The following TBC1D32 variants were observed in gnomAD, a reference collection of about 807,000 sequenced individuals.
TBC1D32 encodes protein broad-minded.
Under a neutral mutation model 170.3 loss-of-function variants are expected in TBC1D32, and 151 were observed. The observed-to-expected ratio is 0.89, with a 90% confidence interval of 0.78 to 1.01. The LOEUF is 1.01. TBC1D32 is among the 50% of genes least tolerant of loss of function. TBC1D32 has a pLI of 0.00. For synonymous variants in TBC1D32, 498 were observed against 488.0 expected (o/e 1.02, Z -0.27); for missense variants, 1,464 against 1,457.1 (o/e 1.00, Z -0.08).
At chr6:121,214,781 T>G (rs1254524620) in intron 21 of TBC1D32, among the ~76,000 whole-genome samples, 1 of 152,194 alleles carries the variant, frequency 6.6e-6, no homozygotes, top group Non-Finnish European at 1.5e-5. Context: ...TCGGTCCTGT[T>G]TGTGTTACTG....
At chr6:121,099,132 C>A (rs972431793) in intron 30 of TBC1D32, among the ~76,000 whole-genome samples, 11 of 151,858 alleles carry the variant, frequency 7.2e-5, no homozygotes, top group African/African-American at 2.4e-4. Flanking sequence ...ACTTTATATC[C>A]AGGGGATTAT....
intron 26 of TBC1D32, among the ~76,000 whole-genome samples, chr6:121,123,389 T>C (rs1170794121): frequency 6.6e-6 from 1 of 152,056 alleles, no homozygotes; most frequent in Non-Finnish European, 1.5e-5. Context: ...AGTCTAGCAA[T>C]ATTTGTTTTA....
intron 15 of TBC1D32, among the ~76,000 whole-genome samples, chr6:121,277,076 G>A (rs968977472): frequency 6.6e-6 from 1 of 152,126 alleles, no homozygotes; most frequent in African/African-American, 2.4e-5. Context: ...TCCAACAATA[G>A]TAGAATATAT....
intron 24 of TBC1D32, among the ~76,000 whole-genome samples, chr6:121,144,702 A>G (rs1057321811): frequency 6.6e-6 from 1 of 152,150 alleles, no homozygotes; most frequent in African/African-American, 2.4e-5. Context: ...CAAGGCAAAG[A>G]TAAGTATTAG....
chr6:121,102,402 T>C (rs1455383349), intron 30 of TBC1D32, among the ~76,000 whole-genome samples: 1 of 151,970 alleles, frequency 6.6e-6, no homozygotes, highest in Non-Finnish European at 1.5e-5. Context: ...CACAGACCAA[T>C]GGAACAGAAC....
At chr6:121,267,079 A>T (rs1312443842) in intron 15 of TBC1D32, among the ~76,000 whole-genome samples, 5 of 104,678 alleles carry the variant, frequency 4.8e-5, no homozygotes, top group East Asian at 3.9e-4. Context: ...AAGTAAAATT[A>T]AAAAAAAAAA....
At position 121,080,816 on chromosome 6, in the gene TBC1D32, T is replaced by C; in HGVS notation, c.3729A>G (p.Thr1243=). The C allele has an allele frequency of 6.2e-7, 1 of 1,613,938 alleles. No individual in the cohort carries two copies. The highest frequency in any genetic ancestry group is 8.5e-7 in the Non-Finnish European group (1 of 1,179,908). The change falls in exon 32 of 32, where the codon ACA becomes ACG. Residue 1243 remains threonine, a synonymous_variant. Coordinates refer to ENST00000398212, the MANE Select transcript of TBC1D32 (RefSeq NM_152730.6). ...YMEILEQNYR[T]VLLRDMRNIR... ...TGTTCCGCATGTCTCTCAGCAGCACTGTTCGGTAGTTTTGTTCCAAAATTT... is the reference window on the plus strand; with the variant it reads ...TGTTCCGCATGTCTCTCAGCAGCACCGTTCGGTAGTTTTGTTCCAAAATTT...
intron 25 of TBC1D32, among the ~76,000 whole-genome samples, chr6:121,130,910 C>T (rs929231964): frequency 1.3e-5 from 2 of 151,996 alleles, no homozygotes; most frequent in Admixed American, 1.3e-4. Flanking sequence ...TGGAGAACAA[C>T]ATTTGATTTC....
At chr6:121,170,540 G>T (rs1160905652) in intron 22 of TBC1D32, 2 of 1,491,654 alleles carry the variant, frequency 1.3e-6, no homozygotes, top group Non-Finnish European at 8.9e-7. Context: ...ATATAAAAAA[G>T]AAAAATAAAC....
chr6:121,169,986 G>A (rs1358287604), intron 22 of TBC1D32, among the ~76,000 whole-genome samples: 1 of 152,070 alleles, frequency 6.6e-6, no homozygotes, highest in Non-Finnish European at 1.5e-5. Flanking sequence ...GAGTGCCTCT[G>A]CAAAGGACAC....
chr6:121,115,997 A>G (rs1367612201), intron 26 of TBC1D32, among the ~76,000 whole-genome samples: 5 of 152,188 alleles, frequency 3.3e-5, no homozygotes, highest in Non-Finnish European at 2.9e-5. Flanking sequence ...GCACAACTAA[A>G]TAGCATTCAG....
intron 31 of TBC1D32, among the ~76,000 whole-genome samples, chr6:121,090,302 A>G (rs1008505529): frequency 3.3e-5 from 5 of 152,212 alleles, no homozygotes; most frequent in Non-Finnish European, 7.4e-5. Flanking sequence ...GGATGTATTT[A>G]TATCTCATGT....
chr6:121,239,212 T>G, intron 19 of TBC1D32, 24 bp from the exon 20 acceptor site: 1 of 1,328,074 alleles, frequency 7.5e-7, no homozygotes, highest in Non-Finnish European at 1.1e-6. Context: ...TTACTTCAAG[T>G]CATTTATAGC....
rs150533870 is a variant in TBC1D32, at chr6:121,111,726, TTTA to T, written c.3324+776_3324+778del. Among the ~76,000 whole-genome samples, 1,154 of 151,322 alleles carry T rather than the reference TTTA, an allele frequency of 7.6e-3. 18 individuals are homozygous for T. Among genetic ancestry groups the T allele is most frequent in the African/African-American group, 0.027 (1,107 of 40,644 alleles). ...TTATTGTATTCCATGATGAATTGAT[TTTA>T]TTTTCCTTATCACAAATATATATTG... On this transcript the variant is annotated intron_variant, in intron 29 of 31. Transcript: ENST00000398212.
chr6:121,150,092 G>A (rs1434002707), intron 24 of TBC1D32, among the ~76,000 whole-genome samples: 2 of 152,158 alleles, frequency 1.3e-5, no homozygotes, highest in Admixed American at 6.5e-5. Flanking sequence ...ATCTGTGCCA[G>A]TTTTCAAAGG....
chr6:121,112,406 AT>A, intron 29 of TBC1D32, 98 bp downstream of exon 29: 3 of 1,085,766 alleles, frequency 2.8e-6, no homozygotes, highest in Non-Finnish European at 3.8e-6. Flanking sequence ...AGTATAATTT[AT>A]TACAAAGTCC....
intron 31 of TBC1D32, among the ~76,000 whole-genome samples, chr6:121,081,719 T>C (rs1386068323): frequency 6.6e-6 from 1 of 152,036 alleles, no homozygotes; most frequent in Non-Finnish European, 1.5e-5. Context: ...AGGCAGTTTA[T>C]ACAGAAGAAA....
intron 20 of TBC1D32, among the ~76,000 whole-genome samples, chr6:121,230,630 A>G (rs192911182): frequency 3.3e-5 from 4 of 120,648 alleles, no homozygotes; most frequent in Admixed American, 3.2e-4. Context: ...TTGAAATCTG[A>G]TATGTATATA....
At chr6:121,112,765 A>T in intron 28 of TBC1D32, 106 bp from the exon 29 acceptor site, 1 of 1,040,700 alleles carries the variant, frequency 9.6e-7, no homozygotes. Flanking sequence ...AGACATTCTT[A>T]TTCTGAATTT....
Sources: allele counts gnomAD v4.1 joint callset (sites outside exome capture counted in the v4.1 genomes callset), GRCh38; gene constraint gnomAD v4.1.1; transcripts MANE v1.5; gene names NCBI Gene and HGNC (gene_info 2026-07-23, HGNC 2026-07-21).